RUNDC3B: variants seen among roughly 807,000 people sequenced by gnomAD.
RUNDC3B encodes the protein RUN domain-containing protein 3B.
RUNDC3B carries 33 observed loss-of-function variants against 58.4 expected under a neutral mutation model. The ratio of observed to expected loss-of-function variants is 0.56; its 90% confidence interval spans 0.43 to 0.75. RUNDC3B has a LOEUF of 0.75. RUNDC3B is among the 30% of genes least tolerant of loss of function. The pLI is 0.00. For synonymous variants in RUNDC3B, 193 were observed against 195.2 expected (o/e 0.99, Z 0.10); for missense variants, 501 against 535.7 (o/e 0.94, Z 0.64).
chr7:87,778,690 T>G (rs1032584994), intron 8 of RUNDC3B, among the ~76,000 whole-genome samples: 9 of 152,116 alleles, frequency 5.9e-5, no homozygotes, highest in African/African-American at 1.7e-4. Context: ...AAGCAGAGTT[T>G]AGGATAGCTG....
intron 6 of RUNDC3B, among the ~76,000 whole-genome samples, chr7:87,767,151 C>A (rs1296740244): frequency 6.6e-6 from 1 of 152,104 alleles, no homozygotes; most frequent in Non-Finnish European, 1.5e-5. Flanking sequence ...TTTTTCTGAT[C>A]TCTTTGTGTT....
chr7:87,658,942 A>C (rs1200609244), intron 2 of RUNDC3B, among the ~76,000 whole-genome samples: 1 of 152,234 alleles, frequency 6.6e-6, no homozygotes, highest in East Asian at 1.9e-4. Context: ...ACTTGAGCTC[A>C]GTAGTTCAAG....
intron 6 of RUNDC3B, among the ~76,000 whole-genome samples, chr7:87,768,208 CCAT>C (rs1259345910): frequency 6.6e-6 from 1 of 152,120 alleles, no homozygotes; most frequent in Non-Finnish European, 1.5e-5. Flanking sequence ...GCACAGTCAC[CCAT>C]CTTGTCACAA....
chr7:87,817,824 A>G (rs541411817), intron 10 of RUNDC3B, among the ~76,000 whole-genome samples: 4 of 152,312 alleles, frequency 2.6e-5, no homozygotes, highest in African/African-American at 9.6e-5. Flanking sequence ...CATTTTCACC[A>G]GTGTATGAAC....
chr7:87,770,172 T>C (rs1314293625), intron 6 of RUNDC3B, among the ~76,000 whole-genome samples: 4 of 152,160 alleles, frequency 2.6e-5, no homozygotes, highest in Non-Finnish European at 4.4e-5. Flanking sequence ...CTGGAACTGC[T>C]GTTGTCTGCC....
chr7:87,679,296 T>C (rs1453326028), intron 2 of RUNDC3B, among the ~76,000 whole-genome samples: 1 of 149,512 alleles, frequency 6.7e-6, no homozygotes, highest in Non-Finnish European at 1.5e-5. Context: ...AGTTTCACAG[T>C]GTTAGCCAGG....
Position 87,736,549 on chromosome 7 carries a change from G to A in RUNDC3B, c.459-3242G>A, listed in dbSNP as rs896594602. Among the ~76,000 whole-genome samples, 6 of 151,542 alleles carry A rather than the reference G, an allele frequency of 4.0e-5. No homozygotes were observed. The South Asian group carries it at 6.2e-4, about 16-fold the overall frequency. On this transcript the variant is annotated intron_variant, in intron 4 of 10. Coordinates refer to ENST00000394654, the MANE Select transcript of RUNDC3B (RefSeq NM_001134405.2). ...AATCAACATATAAATACTTGGAAACGGTGGTATACCTAATAAGATCAGGAA... is the reference window on the plus strand; with the variant it reads ...AATCAACATATAAATACTTGGAAACAGTGGTATACCTAATAAGATCAGGAA...
chr7:87,766,336 G>A (rs943578670), intron 6 of RUNDC3B, among the ~76,000 whole-genome samples: 18 of 151,942 alleles, frequency 1.2e-4, no homozygotes, highest in Admixed American at 9.2e-4. Flanking sequence ...TTGCTTTATC[G>A]GCTGTCTGAG....
intron 2 of RUNDC3B, among the ~76,000 whole-genome samples, chr7:87,668,762 T>C (rs1261479442): frequency 6.6e-6 from 1 of 152,234 alleles, no homozygotes; most frequent in East Asian, 1.9e-4. Context: ...GCATGATGTT[T>C]AATTTCTGTG....
intron 8 of RUNDC3B, among the ~76,000 whole-genome samples, chr7:87,797,725 A>C (rs1296749610): frequency 6.6e-6 from 1 of 152,072 alleles, no homozygotes; most frequent in Non-Finnish European, 1.5e-5. Flanking sequence ...AATATTGTTA[A>C]GTTTTAGAGT....
chr7:87,682,104 T>C (rs906387359), intron 2 of RUNDC3B, among the ~76,000 whole-genome samples: 2 of 152,228 alleles, frequency 1.3e-5, no homozygotes, highest in Non-Finnish European at 2.9e-5. Flanking sequence ...AACCACTTTC[T>C]TTGCTCATCC....
At chr7:87,789,492 T>G (rs1447552615) in intron 8 of RUNDC3B, among the ~76,000 whole-genome samples, 1 of 152,214 alleles carries the variant, frequency 6.6e-6, no homozygotes, top group African/African-American at 2.4e-5. Context: ...ATGAGTGGTA[T>G]GAATCCTAAC....
chr7:87,749,772 C>T (rs1232686363), intron 6 of RUNDC3B, among the ~76,000 whole-genome samples: 2 of 151,910 alleles, frequency 1.3e-5, no homozygotes, highest in Admixed American at 1.3e-4. Flanking sequence ...CCTTATCTTA[C>T]CTTCAAGAAA....
intron 10 of RUNDC3B, among the ~76,000 whole-genome samples, chr7:87,822,708 A>G (rs968604774): frequency 3.0e-4 from 46 of 152,260 alleles, no homozygotes; most frequent in Admixed American, 1.4e-3. Context: ...CTATGCAGCC[A>G]TAAAAAATTG....
intron 6 of RUNDC3B, among the ~76,000 whole-genome samples, chr7:87,758,690 G>A (rs1833510813): frequency 6.6e-6 from 1 of 152,096 alleles, no homozygotes. Flanking sequence ...CATTTCTCAA[G>A]AGGAGACATA....
At position 87,628,620 on chromosome 7, in the gene RUNDC3B, TGTGTGG is replaced by T. The variant is rs1194605298; in HGVS notation, c.-203_-198del. On this transcript the variant is annotated 5_prime_UTR_variant, in exon 1 of 11. Coordinates refer to ENST00000394654, the MANE Select transcript of RUNDC3B (RefSeq NM_001134405.2). ...GTGTGTGTGTGTGTGTGTGTGTGTG[TGTGTGG>T]AGCTCGGGTGCCAAGGGCGAGCCGT... 124 of 327,088 alleles carry T rather than the reference TGTGTGG, an allele frequency of 3.8e-4. No homozygotes were observed. The highest frequency in any genetic ancestry group is 6.5e-4 in the Admixed American group (13 of 19,884). 20.3% of individuals were successfully genotyped at this position (327,088 alleles called of 1,614,324 possible).
intron 4 of RUNDC3B, among the ~76,000 whole-genome samples, chr7:87,711,141 A>G (rs908502496): frequency 1.3e-5 from 2 of 152,042 alleles, no homozygotes; most frequent in South Asian, 4.1e-4. Flanking sequence ...AGCCTGACCA[A>G]CATGGATAAA....
At chr7:87,808,882 A>G (rs1836569822) in intron 9 of RUNDC3B, among the ~76,000 whole-genome samples, 1 of 152,136 alleles carries the variant, frequency 6.6e-6, no homozygotes, top group East Asian at 1.9e-4. Context: ...TATATATGAC[A>G]CATAAGATGC....
At chr7:87,744,086 T>C (rs182923355) in intron 6 of RUNDC3B, among the ~76,000 whole-genome samples, 1 of 152,328 alleles carries the variant, frequency 6.6e-6, no homozygotes, top group Admixed American at 6.5e-5. Context: ...CTCCACTTTA[T>C]ATTTCTGTTT....
Sources: allele counts gnomAD v4.1 joint callset (sites outside exome capture counted in the v4.1 genomes callset), GRCh38; gene constraint gnomAD v4.1.1; transcripts MANE v1.5; gene names NCBI Gene and HGNC (gene_info 2026-07-23, HGNC 2026-07-21).